Variants in FCER1A observed in about 807,000 individuals in gnomAD.
FCER1A encodes the protein Fc epsilon receptor Ia.
In FCER1A, 24 loss-of-function variants were observed where a neutral mutation model predicts 23.6. The observed-to-expected ratio is 1.02, with a 90% confidence interval of 0.74 to 1.43. The LOEUF (loss-of-function observed/expected upper bound fraction) is 1.43, where lower values mean the gene tolerates loss of function less well. FCER1A is among the 40% of genes most tolerant of loss of function. FCER1A has a pLI of 0.00. For missense variants in FCER1A, 318 were observed against 294.5 expected (o/e 1.08, Z -0.58); for synonymous variants, 121 against 108.8 (o/e 1.11, Z -0.70).
upstream of FCER1A, among the ~76,000 whole-genome samples, chr1:159,300,416 C>A (rs1358589321): frequency 1.3e-5 from 2 of 152,102 alleles, no homozygotes; most frequent in Admixed American, 1.3e-4. Flanking sequence ...TAGAATCTTT[C>A]CCCGTCTCTT....
At chr1:159,287,188 A>G (rs950398502), upstream of FCER1A, among the ~76,000 whole-genome samples, 1 of 152,214 alleles carries the variant, frequency 6.6e-6, no homozygotes, top group Non-Finnish European at 1.5e-5. Flanking sequence ...CTGAGAGGAC[A>G]AGAATTTTGG....
chr1:159,301,722 T>C (rs182608090), upstream of FCER1A, among the ~76,000 whole-genome samples: 67 of 152,310 alleles, frequency 4.4e-4, no homozygotes, highest in Middle Eastern at 3.4e-3. Flanking sequence ...CCAAAAGAAT[T>C]TGGCAGTTGC....
At chr1:159,283,665 G>GA in the FCER1A span, among the ~76,000 whole-genome samples, 1 of 148,962 alleles carries the variant, frequency 6.7e-6, no homozygotes, top group Non-Finnish European at 1.5e-5. Flanking sequence ...CACAAAATGA[G>GA]AAAAATCCAG....
At chr1:159,306,365 G>A in intron 4 of FCER1A, 120 bp downstream of exon 4, 2 of 850,766 alleles carry the variant, frequency 2.4e-6, no homozygotes, top group South Asian at 3.5e-5. Context: ...AAGCCTACCA[G>A]ACTTGCAATG....
upstream of FCER1A, among the ~76,000 whole-genome samples, chr1:159,299,419 G>A (rs139711869): frequency 2.7e-3 from 415 of 152,202 alleles, 1 homozygote; most frequent in Non-Finnish European, 4.1e-3. Context: ...GGCACGTCCC[G>A]AAACACAAAA....
At chr1:159,300,883 T>C (rs1394522146), upstream of FCER1A, among the ~76,000 whole-genome samples, 1 of 152,192 alleles carries the variant, frequency 6.6e-6, no homozygotes, top group Non-Finnish European at 1.5e-5. Flanking sequence ...ATTAGGAACA[T>C]TTGAATTCAG....
intron 3 of FCER1A, among the ~76,000 whole-genome samples, chr1:159,304,825 A>G (rs1652550410): frequency 2.0e-5 from 3 of 152,072 alleles, no homozygotes; most frequent in African/African-American, 7.2e-5. Flanking sequence ...GTGTATCTGG[A>G]ATAGGATCAA....
upstream of FCER1A, among the ~76,000 whole-genome samples, chr1:159,289,416 T>A (rs1652092450): frequency 6.6e-6 from 1 of 152,214 alleles, no homozygotes; most frequent in African/African-American, 2.4e-5. Context: ...GCAGAGGACC[T>A]TAGCACACTT....
upstream of FCER1A, among the ~76,000 whole-genome samples, chr1:159,300,230 C>T (rs1246441016): frequency 2.0e-5 from 3 of 152,122 alleles, no homozygotes; most frequent in Non-Finnish European, 4.4e-5. Context: ...GAGCCCTGCT[C>T]CATCTCCCAT....
chr1:159,283,807 GTATATT>G, the FCER1A span, among the ~76,000 whole-genome samples: 3 of 152,124 alleles, frequency 2.0e-5, no homozygotes, highest in Non-Finnish European at 4.4e-5. Flanking sequence ...CAAGAGCTGT[GTATATT>G]TATTTTCCCC....
upstream of FCER1A, among the ~76,000 whole-genome samples, chr1:159,301,134 G>A (rs552324201): frequency 6.6e-6 from 1 of 152,264 alleles, no homozygotes; most frequent in African/African-American, 2.4e-5. Context: ...GCAGTCTGTG[G>A]GGAAGAGCAA....
upstream of FCER1A, among the ~76,000 whole-genome samples, chr1:159,297,972 A>G (rs1451689507): frequency 6.6e-6 from 1 of 152,182 alleles, no homozygotes; most frequent in East Asian, 1.9e-4. Context: ...CCCCATTATG[A>G]AGAAAATGTC....
At chr1:159,285,488 T>C (rs2102209477), upstream of FCER1A, among the ~76,000 whole-genome samples, 1 of 151,946 alleles carries the variant, frequency 6.6e-6, no homozygotes, top group Admixed American at 6.6e-5. Flanking sequence ...GGATATACTA[T>C]AACCTGTAAT....
At chr1:159,286,519 G>A (rs868108739), upstream of FCER1A, among the ~76,000 whole-genome samples, 38 of 151,898 alleles carry the variant, frequency 2.5e-4, no homozygotes, top group Middle Eastern at 6.8e-3. Flanking sequence ...TTTTTAGTAG[G>A]GACAGGGTTT....
At chr1:159,302,447 A>C (rs1652463202) in intron 1 of FCER1A, 28 bp downstream of exon 1, 1 of 1,514,002 alleles carries the variant, frequency 6.6e-7, no homozygotes, top group African/African-American at 1.4e-5. Context: ...TACCCCTCCC[A>C]GGGAGGCCCA....
At chr1:159,305,860 G>A (rs1316161716) in intron 3 of FCER1A, 128 bp from the exon 4 acceptor site, 2 of 813,338 alleles carry the variant, frequency 2.5e-6, no homozygotes, top group African/African-American at 1.7e-5. Flanking sequence ...TCCACTTTAT[G>A]AGCCAAAAAG....
chr1:159,296,682 T>C (rs1420738202), intron 1 of FCER1A, among the ~76,000 whole-genome samples: 1 of 152,216 alleles, frequency 6.6e-6, no homozygotes, highest in East Asian at 1.9e-4. Context: ...AATTATTTAG[T>C]ATGCAAGGCT....
upstream of FCER1A, among the ~76,000 whole-genome samples, chr1:159,298,490 G>A (rs1438677523): frequency 2.0e-5 from 3 of 152,054 alleles, no homozygotes; most frequent in Non-Finnish European, 2.9e-5. Context: ...TATTTCCTTT[G>A]GATTTATTAC....
chr1:159,296,834 T>C (rs1002729563), intron 1 of FCER1A, among the ~76,000 whole-genome samples: 1 of 152,148 alleles, frequency 6.6e-6, no homozygotes, highest in Non-Finnish European at 1.5e-5. Context: ...CTTTTGTAGG[T>C]GGTAACACAG....
Sources: allele counts gnomAD v4.1 joint callset (sites outside exome capture counted in the v4.1 genomes callset), GRCh38; gene constraint gnomAD v4.1.1; transcripts MANE v1.5; gene names NCBI Gene and HGNC (gene_info 2026-07-23, HGNC 2026-07-21).